EZR: variants seen among roughly 807,000 people sequenced by gnomAD.
EZR encodes cytovillin 2.
In EZR, 40 loss-of-function variants were observed where a neutral mutation model predicts 74.8. The observed-to-expected ratio is 0.53, with a 90% CI of 0.42 to 0.70. The LOEUF (loss-of-function observed/expected upper bound fraction) is 0.70, where lower values mean the gene tolerates loss of function less well. Among genes scored for constraint, EZR ranks in the 30% least tolerant of loss-of-function variants. EZR has a pLI of 0.00. For synonymous variants in EZR, 341 were observed against 283.3 expected (o/e 1.20, Z -2.05); for missense variants, 678 against 755.8 (o/e 0.90, Z 1.21).
chr6:158,793,957 A>G (rs1791807976), intron 2 of EZR, among the ~76,000 whole-genome samples: 1 of 152,178 alleles, frequency 6.6e-6, no homozygotes, highest in African/African-American at 2.4e-5. Flanking sequence ...TACTTTGTCT[A>G]CTTATCCAAG....
chr6:158,769,399 T>C lies in EZR; in HGVS notation c.1271A>G (p.Tyr424Cys). The change falls in exon 12 of 14, where the codon TAC becomes TGC. Residue 424 changes from tyrosine (Y) to cysteine (C), a missense_variant. By Grantham distance (194) the Tyr-to-Cys change is radical. Around this residue, in one of 3 missense-constraint regions of EZR, gnomAD observed 342 missense variants for 341.2 expected, o/e 1.00. Transcript: ENST00000367075. Reference sequence around the variant, plus strand: ...TTCCAGGAGGGCAATCTTGGCAGTGTATTCTGCAAGCTCCGCAGCCTGGGA... The same window carrying C: ...TTCCAGGAGGGCAATCTTGGCAGTGCATTCTGCAAGCTCCGCAGCCTGGGA... ...QEQLAAELAE[Y>C]TAKIALLEEA... is the part of the protein sequence containing the mutation. The C allele has an allele frequency of 6.2e-7, 1 of 1,607,598 alleles. No homozygotes were observed. Among genetic ancestry groups the C allele is most frequent in the South Asian group, 1.1e-5 (1 of 91,084 alleles).
chr6:158,818,669 G>A (rs1301551630), intron 1 of EZR, among the ~76,000 whole-genome samples: 1 of 151,736 alleles, frequency 6.6e-6, no homozygotes, highest in Admixed American at 6.6e-5. Context: ...AGGCGGAGAA[G>A]AGGGGGCGCG....
At chr6:158,804,190 C>A (rs1777278429) in intron 2 of EZR, among the ~76,000 whole-genome samples, 1 of 151,698 alleles carries the variant, frequency 6.6e-6, no homozygotes, top group Non-Finnish European at 1.5e-5. Flanking sequence ...AATTAAGAAC[C>A]AACTTCTTCT....
At chr6:158,818,542 G>A (rs1298065660) in intron 1 of EZR, among the ~76,000 whole-genome samples, 1 of 150,394 alleles carries the variant, frequency 6.6e-6, no homozygotes, top group East Asian at 2.0e-4. Flanking sequence ...TCAGTGGGGA[G>A]GATCGGGGGG....
At chr6:158,774,672 A>ACACACACAC (rs1791216343) in intron 8 of EZR, among the ~76,000 whole-genome samples, 24 of 142,396 alleles carry the variant, frequency 1.7e-4, no homozygotes, top group Non-Finnish European at 3.3e-4. Flanking sequence ...CTTATCATCA[A>ACACACACAC]ACACACACAC....
chr6:158,789,239 A>G, intron 3 of EZR, 49 bp downstream of exon 3: 1 of 1,442,076 alleles, frequency 6.9e-7, no homozygotes, highest in South Asian at 1.2e-5. Flanking sequence ...AATGTTGCAA[A>G]ACAGTTTTTT....
intron 2 of EZR, among the ~76,000 whole-genome samples, chr6:158,814,275 C>G (rs995697427): frequency 6.6e-6 from 1 of 152,152 alleles, no homozygotes. Flanking sequence ...GGAGTGCTGC[C>G]GCGTGCGCCC....
At chr6:158,798,481 T>C (rs1777119765) in intron 2 of EZR, among the ~76,000 whole-genome samples, 1 of 152,228 alleles carries the variant, frequency 6.6e-6, no homozygotes, top group Non-Finnish European at 1.5e-5. Flanking sequence ...CAATCATGCA[T>C]GGCCATGCTG....
chr6:158,784,752 T>C (rs1263594148), intron 5 of EZR, 25 bp from the exon 6 acceptor site: 1 of 1,604,744 alleles, frequency 6.2e-7, no homozygotes, highest in Admixed American at 1.7e-5. Context: ...GAAACAGCAC[T>C]GTCATCCTTA....
rs773998060 is a variant in EZR at position 158,769,380 on chromosome 6, G to A, written c.1290C>T (p.Leu430=). 1 of 1,609,078 alleles carries A rather than the reference G, an allele frequency of 6.2e-7. No individual in the cohort carries two copies. Among genetic ancestry groups the A allele is most frequent in the East Asian group, 2.2e-5 (1 of 44,886 alleles). The part of the protein sequence containing the change: ...ELAEYTAKIA[L]LEEARRRKED... ...CCTTGCGCCTCCGCGCCTCTTCCAG[G>A]AGGGCAATCTTGGCAGTGTATTCTG... The change falls in exon 12 of 14, where the codon CTC becomes CTT. Residue 430 remains leucine, a synonymous_variant. Transcript: ENST00000367075.
chr6:158,818,066 A>C lies in EZR; in HGVS notation c.12+16T>G, dbSNP rs745866712. 1.2e-6 allele frequency: 2 copies of C among 1,608,782 alleles called. No homozygotes were observed. Among genetic ancestry groups the C allele is most frequent in the Non-Finnish European group, 1.7e-6 (2 of 1,176,522 alleles). On this transcript the variant is annotated intron_variant, in intron 2 of 13. Transcript: ENST00000367075. ...AGCCTCTCCCGTCCGCCCGGCCCAGAAACTGGGCAACTTACTGGTTTCGGC... is the reference window on the plus strand; with the variant it reads ...AGCCTCTCCCGTCCGCCCGGCCCAGCAACTGGGCAACTTACTGGTTTCGGC...
intron 12 of EZR, among the ~76,000 whole-genome samples, chr6:158,767,761 G>A (rs1306286198): frequency 6.6e-6 from 1 of 152,046 alleles, no homozygotes; most frequent in Non-Finnish European, 1.5e-5. Flanking sequence ...TTTTTTACCT[G>A]TAACTCTAGA....
At chr6:158,789,221 A>G (rs1791667161) in intron 3 of EZR, 67 bp downstream of exon 3, 1 of 1,215,302 alleles carries the variant, frequency 8.2e-7, no homozygotes, top group Non-Finnish European at 1.2e-6. Context: ...CGCAAACAAA[A>G]TAACTGAAAT....
At chr6:158,805,244 CAGG>C (rs1472632070) in intron 2 of EZR, among the ~76,000 whole-genome samples, 1 of 148,084 alleles carries the variant, frequency 6.8e-6, no homozygotes, top group Non-Finnish European at 1.5e-5. Context: ...GGGGCTGAGG[CAGG>C]AGAATCGCTT....
At chr6:158,778,206 CT>C (rs904091043) in intron 7 of EZR, among the ~76,000 whole-genome samples, 3 of 152,236 alleles carry the variant, frequency 2.0e-5, no homozygotes, top group African/African-American at 7.2e-5. Flanking sequence ...GCACATAGCA[CT>C]GTGAGCCAGC....
At chr6:158,815,895 T>C (rs1300874787) in intron 2 of EZR, among the ~76,000 whole-genome samples, 1 of 152,274 alleles carries the variant, frequency 6.6e-6, no homozygotes, top group Non-Finnish European at 1.5e-5. Context: ...TTCACAACTA[T>C]CTTCACTTTA....
intron 5 of EZR, among the ~76,000 whole-genome samples, chr6:158,784,938 T>C (rs1791531182): frequency 6.6e-6 from 1 of 152,238 alleles, no homozygotes; most frequent in Admixed American, 6.5e-5. Context: ...TCAGTTCTGC[T>C]GGAAAAACTA....
At chr6:158,802,608 T>C (rs913146157) in intron 2 of EZR, among the ~76,000 whole-genome samples, 2 of 152,324 alleles carry the variant, frequency 1.3e-5, no homozygotes, top group South Asian at 2.1e-4. Context: ...CTCGGCTCAC[T>C]GCAACCTCCA....
At chr6:158,781,050 TC>T in intron 7 of EZR, among the ~76,000 whole-genome samples, 1 of 152,166 alleles carries the variant, frequency 6.6e-6, no homozygotes, top group Non-Finnish European at 1.5e-5. Flanking sequence ...CTCTTAGAGC[TC>T]AATTTCCATA....
Sources: allele counts gnomAD v4.1 joint callset (sites outside exome capture counted in the v4.1 genomes callset), GRCh38; gene constraint gnomAD v4.1.1; regional missense constraint gnomAD v4.1.1; transcripts MANE v1.5; gene names NCBI Gene and HGNC (gene_info 2026-07-23, HGNC 2026-07-21).